The following SLC41A2 variants were observed in gnomAD, a reference collection of about 807,000 sequenced individuals.
SLC41A2 encodes the protein SLC41A1-like 1.
In SLC41A2, 32 loss-of-function variants were observed where a neutral mutation model predicts 58.3. The observed-to-expected ratio is 0.55, with a 90% CI of 0.41 to 0.74. The LOEUF is 0.74. SLC41A2 is among the 30% of genes least tolerant of loss of function. The probability of loss-of-function intolerance (pLI) is 0.00; values close to 1 mark genes in which losing one functional copy is unlikely to be tolerated. For missense variants in SLC41A2, 514 were observed against 680.6 expected, an observed-to-expected ratio of 0.76 and a Z score of 2.72; for synonymous variants, 190 against 235.0, an observed-to-expected ratio of 0.81 and a Z score of 1.75.
chr12:104,880,522 T>C (rs1002524489), intron 6 of SLC41A2, among the ~76,000 whole-genome samples: 11 of 152,212 alleles, frequency 7.2e-5, no homozygotes, highest in Non-Finnish European at 1.3e-4. Context: ...GTTTTTAGCA[T>C]GAAGGGCTGT....
intron 6 of SLC41A2, 23 bp from the exon 7 acceptor site, chr12:104,866,602 AAAG>A (rs1478422247): frequency 1.1e-5 from 16 of 1,500,714 alleles, no homozygotes; most frequent in Admixed American, 2.1e-5. Context: ...AAAAAAAAAA[AAAG>A]AGAGACAACA....
intron 4 of SLC41A2, among the ~76,000 whole-genome samples, chr12:104,890,187 A>T (rs1343899842): frequency 1.3e-5 from 2 of 152,166 alleles, no homozygotes; most frequent in African/African-American, 4.8e-5. Flanking sequence ...CAAGTAAAAA[A>T]TTCCTGAAGT....
rs2046932930 is a variant in SLC41A2, at chr12:104,928,418, T to C, written c.110A>G (p.Lys37Arg). The C allele has an allele frequency of 3.2e-6, 5 of 1,554,864 alleles. No homozygotes were observed. The highest frequency in any genetic ancestry group is 4.9e-5 in the East Asian group (2 of 41,100). Residue 37 changes from lysine (K) to arginine (R), a missense_variant, in exon 2 of 11, where the codon AAG becomes AGG. Physicochemically the swap from Lys to Arg is conservative, Grantham distance 26 (BLOSUM62 2). Around this residue, in one of 3 missense-constraint regions of SLC41A2, gnomAD observed 336 missense variants for 430.0 expected, o/e 0.78. Coordinates refer to ENST00000258538, the MANE Select transcript of SLC41A2 (RefSeq NM_001352171.3). ...TLRLNTIQSD[K>R]FLNLLLSMVP... ...CATACTCAAGAGTAAATTTAAAAACTTGTCGGATTGAATTGTGTTTAAACG... is the reference window on the plus strand; with the variant it reads ...CATACTCAAGAGTAAATTTAAAAACCTGTCGGATTGAATTGTGTTTAAACG...
chr12:104,886,566 T>A (rs2044676228), intron 5 of SLC41A2, 127 bp from the exon 6 acceptor site: 1 of 930,974 alleles, frequency 1.1e-6, no homozygotes, highest in Non-Finnish European at 1.6e-6. Context: ...ATAAGCTGAC[T>A]AAAGCAAACA....
chr12:104,830,393 A>G (rs1183096548), intron 10 of SLC41A2, among the ~76,000 whole-genome samples: 1 of 152,228 alleles, frequency 6.6e-6, no homozygotes, highest in Non-Finnish European at 1.5e-5. Context: ...TACCTAATAT[A>G]ATGCCAACAC....
At chr12:104,940,229 C>G (rs186584605) in intron 1 of SLC41A2, among the ~76,000 whole-genome samples, 1 of 152,070 alleles carries the variant, frequency 6.6e-6, no homozygotes, top group Non-Finnish European at 1.5e-5. Flanking sequence ...TCAGGCTGGT[C>G]TTGAACTCCC....
At chr12:104,950,304 A>G (rs1288137675) in intron 1 of SLC41A2, among the ~76,000 whole-genome samples, 1 of 152,248 alleles carries the variant, frequency 6.6e-6, no homozygotes, top group Middle Eastern at 3.4e-3. Flanking sequence ...GGATTCCCCC[A>G]CGCTGTTCTC....
intron 3 of SLC41A2, among the ~76,000 whole-genome samples, chr12:104,896,117 C>A (rs2045269478): frequency 6.6e-6 from 1 of 152,128 alleles, no homozygotes; most frequent in Non-Finnish European, 1.5e-5. Context: ...GAAAGACTTT[C>A]TTTCAAATGA....
chr12:104,832,204 A>T (rs2042061780), intron 10 of SLC41A2, among the ~76,000 whole-genome samples: 1 of 152,200 alleles, frequency 6.6e-6, no homozygotes, highest in Admixed American at 6.5e-5. Flanking sequence ...ACCCATGACC[A>T]TTAGAACAAA....
chr12:104,935,389 T>C (rs113484176), intron 1 of SLC41A2, among the ~76,000 whole-genome samples: 1 of 112,866 alleles, frequency 8.9e-6, no homozygotes, highest in African/African-American at 3.2e-5. Context: ...AGTGAGGTGA[T>C]GTATATGTTA....
At chr12:104,872,412 A>G (rs1358114988) in intron 6 of SLC41A2, among the ~76,000 whole-genome samples, 3 of 152,198 alleles carry the variant, frequency 2.0e-5, no homozygotes, top group Non-Finnish European at 2.9e-5. Context: ...AGCAGAAATC[A>G]GCAAATTTCA....
chr12:104,917,900 C>T lies in SLC41A2; in HGVS notation c.556-8138G>A, dbSNP rs566555728. 3.1e-3 allele frequency among the ~76,000 whole-genome samples: 465 copies of T among 148,646 alleles called. 4 individuals are homozygous for T. The highest frequency in any genetic ancestry group is 0.011 in the African/African-American group (446 of 40,446). The stretch of plus-strand genomic sequence containing the variant: ...TGATGAGTTAATGGGTGCAGCACAC[C>T]AGCATGGCACATGTATACATATGTA... On this transcript the variant is annotated intron_variant, in intron 2 of 10. Transcript: ENST00000258538.
chr12:104,848,797 A>G (rs1281374931), intron 8 of SLC41A2, among the ~76,000 whole-genome samples: 1 of 152,058 alleles, frequency 6.6e-6, no homozygotes, highest in African/African-American at 2.4e-5. Flanking sequence ...AAATAATATA[A>G]TTGGATGAAT....
chr12:104,889,252 T>G, intron 4 of SLC41A2, 75 bp from the exon 5 acceptor site: 1 of 1,441,862 alleles, frequency 6.9e-7, no homozygotes, highest in Non-Finnish European at 9.4e-7. Context: ...TATGTAAATA[T>G]TACTACAAAA....
At chr12:104,945,509 GA>G (rs1487710350) in intron 1 of SLC41A2, among the ~76,000 whole-genome samples, 1 of 150,888 alleles carries the variant, frequency 6.6e-6, no homozygotes, top group South Asian at 2.1e-4. Context: ...CAAAAAAAAA[GA>G]AAAAAAGAAA....
intron 3 of SLC41A2, among the ~76,000 whole-genome samples, chr12:104,906,607 A>G (rs2045864026): frequency 6.6e-6 from 1 of 152,200 alleles, no homozygotes; most frequent in African/African-American, 2.4e-5. Context: ...GTACACAGAA[A>G]GAGAAAATAT....
At chr12:104,947,194 CCTTTTTTTTTTTT>C (rs1161216897) in intron 1 of SLC41A2, among the ~76,000 whole-genome samples, 11 of 53,668 alleles carry the variant, frequency 2.0e-4, no homozygotes, top group Non-Finnish European at 3.2e-4. Flanking sequence ...TTATTTTTGT[CCTTTTTTTTTTTT>C]TTTTTTTTTT....
chr12:104,805,036 A>ATTACCTGGCC lies in SLC41A2; in HGVS notation c.*115_*116insGGCCAGGTAA. The ATTACCTGGCC allele has an allele frequency of 1.1e-6, 1 of 887,632 alleles. No individual in the cohort carries two copies. Among genetic ancestry groups the ATTACCTGGCC allele is most frequent in the Non-Finnish European group, 1.7e-6 (1 of 601,786 alleles). 55.0% of individuals were successfully genotyped at this position (887,632 alleles called of 1,614,324 possible). On this transcript the variant is annotated 3_prime_UTR_variant, in exon 11 of 11. Coordinates refer to ENST00000258538, the MANE Select transcript of SLC41A2 (RefSeq NM_001352171.3). Reference sequence around the variant, plus strand: ...AGGCCATTTAATTGAATCAGGGCCAACTGAAGATTACCCTGGCAAAAGTCA... The same window carrying ATTACCTGGCC: ...AGGCCATTTAATTGAATCAGGGCCAATTACCTGGCCCTGAAGATTACCCTGGCAAAAGTCA...
intron 7 of SLC41A2, among the ~76,000 whole-genome samples, chr12:104,865,889 A>G (rs1248906664): frequency 6.6e-6 from 1 of 152,122 alleles, no homozygotes; most frequent in East Asian, 1.9e-4. Context: ...ACCGTATTGC[A>G]AGACCTTTAT....
Sources: gnomAD v4.1 joint callset for allele counts (sites outside exome capture counted in the v4.1 genomes callset) on GRCh38, gnomAD v4.1.1 for gene constraint, gnomAD v4.1.1 regional missense constraint, MANE v1.5 for transcripts, NCBI Gene and HGNC (gene_info 2026-07-23, HGNC 2026-07-21) for gene names.